PPARGC1A: variants seen among roughly 807,000 people sequenced by gnomAD.
PPARGC1A encodes the protein PPARG coactivator 1 alpha, also known as peroxisome proliferator-activated receptor gamma coactivator 1-alpha.
Under a neutral mutation model 88.7 loss-of-function variants are expected in PPARGC1A, and 25 were observed. That is an observed-to-expected ratio of 0.28 (90% CI 0.21 to 0.39). The LOEUF (loss-of-function observed/expected upper bound fraction) is 0.39. Among genes scored for constraint, PPARGC1A ranks in the 10% least tolerant of loss-of-function variants. PPARGC1A has a pLI of 1.00. For synonymous variants in PPARGC1A, 363 were observed against 355.6 expected, an observed-to-expected ratio of 1.02 and a Z score of -0.24; for missense variants, 880 against 968.7, an observed-to-expected ratio of 0.91 and a Z score of 1.22.
At chr4:23,831,384 T>C (rs1020345946) in intron 3 of PPARGC1A, 173 bp downstream of exon 3, 36 of 529,628 alleles carry the variant, frequency 6.8e-5, no homozygotes, top group Non-Finnish European at 8.9e-5. Flanking sequence ...ACGTGTATTA[T>C]CAACACTTTT....
chr4:24,371,610 A>G, the PPARGC1A span, among the ~76,000 whole-genome samples: 1 of 152,048 alleles, frequency 6.6e-6, no homozygotes, highest in African/African-American at 2.4e-5. Flanking sequence ...GTCAGATATG[A>G]AGATAGGAAC....
the PPARGC1A span, among the ~76,000 whole-genome samples, chr4:24,131,471 G>T: frequency 1.3e-5 from 2 of 152,194 alleles, no homozygotes; most frequent in African/African-American, 4.8e-5. Context: ...ATGTTTGCCA[G>T]TGCCCATCAG....
At chr4:24,371,524 AC>A in the PPARGC1A span, among the ~76,000 whole-genome samples, 1 of 152,180 alleles carries the variant, frequency 6.6e-6, no homozygotes, top group Non-Finnish European at 1.5e-5. Flanking sequence ...CAAAGAGCTG[AC>A]AGAATATCTC....
intron 2 of PPARGC1A, among the ~76,000 whole-genome samples, chr4:23,851,039 G>C (rs1342322039): frequency 6.6e-6 from 1 of 152,130 alleles, no homozygotes; most frequent in Non-Finnish European, 1.5e-5. Context: ...CTAATGAGTT[G>C]CTGCAGTTCA....
At chr4:24,354,836 A>G in the PPARGC1A span, among the ~76,000 whole-genome samples, 11 of 152,192 alleles carry the variant, frequency 7.2e-5, no homozygotes, top group Admixed American at 5.9e-4. Context: ...GTAGTGAGCC[A>G]AGATCACGCG....
At chr4:23,848,920 G>T (rs962161356) in intron 2 of PPARGC1A, among the ~76,000 whole-genome samples, 5 of 152,096 alleles carry the variant, frequency 3.3e-5, no homozygotes, top group Admixed American at 6.5e-5. Context: ...GAGGCGGGCA[G>T]ATCACGAGGT....
At chr4:23,874,047 C>CT (rs1217253156) in intron 2 of PPARGC1A, among the ~76,000 whole-genome samples, 7 of 151,970 alleles carry the variant, frequency 4.6e-5, no homozygotes, top group African/African-American at 1.7e-4. Flanking sequence ...TACCTCCTCA[C>CT]TTTTCTGTGA....
At chr4:24,189,903 T>A in the PPARGC1A span, among the ~76,000 whole-genome samples, 1 of 151,996 alleles carries the variant, frequency 6.6e-6, no homozygotes, top group Admixed American at 6.5e-5. Flanking sequence ...CCTGGCATCC[T>A]CCTCCCAAGC....
intron 2 of PPARGC1A, among the ~76,000 whole-genome samples, chr4:23,855,578 T>C (rs1730054137): frequency 6.6e-6 from 1 of 152,222 alleles, no homozygotes; most frequent in South Asian, 2.1e-4. Context: ...AATTCCATAT[T>C]CTGCATGCAT....
At chr4:24,169,264 G>C in the PPARGC1A span, among the ~76,000 whole-genome samples, 2 of 152,146 alleles carry the variant, frequency 1.3e-5, no homozygotes, top group Non-Finnish European at 2.9e-5. Flanking sequence ...ACAAAGAAAG[G>C]CTGAGAAGCT....
the PPARGC1A span, among the ~76,000 whole-genome samples, chr4:24,076,162 T>C: frequency 6.6e-6 from 1 of 152,198 alleles, no homozygotes; most frequent in Non-Finnish European, 1.5e-5. Context: ...GCTTATGCTC[T>C]TCTATTAGCA....
chr4:24,421,687 C>T, the PPARGC1A span, among the ~76,000 whole-genome samples: 1 of 152,178 alleles, frequency 6.6e-6, no homozygotes, highest in Admixed American at 6.5e-5. Flanking sequence ...GCTGTGAGTC[C>T]TTCCTCAGCC....
intron 4 of PPARGC1A, among the ~76,000 whole-genome samples, 156 bp downstream of exon 4, chr4:23,829,307 G>A (rs1724574154): frequency 6.6e-6 from 1 of 152,204 alleles, no homozygotes; most frequent in Non-Finnish European, 1.5e-5. Context: ...AGTAGCTCAA[G>A]CGCTGTTTAC....
chr4:24,133,187 TGGG>T, the PPARGC1A span, among the ~76,000 whole-genome samples: 12 of 152,074 alleles, frequency 7.9e-5, no homozygotes, highest in Non-Finnish European at 1.6e-4. Context: ...GTTTCCCCCC[TGGG>T]GGGTGGTGGT....
the PPARGC1A span, among the ~76,000 whole-genome samples, chr4:24,210,487 A>C: frequency 6.6e-6 from 1 of 152,336 alleles, no homozygotes; most frequent in African/African-American, 2.4e-5. Flanking sequence ...AAAATCAGGA[A>C]TTTCAACAGT....
At chr4:23,828,923 T>C (rs1724505259) in intron 4 of PPARGC1A, among the ~76,000 whole-genome samples, 2 of 152,196 alleles carry the variant, frequency 1.3e-5, no homozygotes, top group South Asian at 4.1e-4. Context: ...TTGCCACTGA[T>C]TGCTGACGCC....
chr4:23,901,797 G>A (rs930545222), upstream of PPARGC1A, among the ~76,000 whole-genome samples: 8 of 152,198 alleles, frequency 5.3e-5, no homozygotes, highest in South Asian at 2.1e-4. Context: ...CACACTTCTC[G>A]CAAATTTGTG....
chr4:23,800,482 T>C (rs1202000405), intron 12 of PPARGC1A, among the ~76,000 whole-genome samples: 1 of 151,842 alleles, frequency 6.6e-6, no homozygotes, highest in Non-Finnish European at 1.5e-5. Context: ...TACTATTCAC[T>C]CAGCAAAATA....
At chr4:24,159,677 A>G in the PPARGC1A span, among the ~76,000 whole-genome samples, 1 of 152,246 alleles carries the variant, frequency 6.6e-6, no homozygotes, top group African/African-American at 2.4e-5. Context: ...ATCACAAACA[A>G]GTCACATAGT....
Sources: gnomAD v4.1 joint callset for allele counts (sites outside exome capture counted in the v4.1 genomes callset) on GRCh38, gnomAD v4.1.1 for gene constraint, MANE v1.5 for transcripts, NCBI Gene and HGNC (gene_info 2026-07-23, HGNC 2026-07-21) for gene names.